Variants in NAV3 observed in about 807,000 individuals in gnomAD.
NAV3 encodes neuron navigator 3, also known as pore membrane and/or filament interacting like protein 1.
NAV3 carries 87 observed loss-of-function variants against 244.7 expected under a neutral mutation model. The ratio of observed to expected loss-of-function variants is 0.36; its 90% confidence interval spans 0.30 to 0.42. NAV3 has a LOEUF of 0.42. Among genes scored for constraint, NAV3 ranks in the 20% least tolerant of loss-of-function variants. The pLI, the probability that NAV3 is intolerant of heterozygous loss-of-function variation, is 1.00. For missense variants in NAV3, 2,663 were observed against 2,893.3 expected, an observed-to-expected ratio of 0.92 and a Z score of 1.83; for synonymous variants, 1,126 against 1,042.2, an observed-to-expected ratio of 1.08 and a Z score of -1.55.
At position 78,122,105 on chromosome 12, in the gene NAV3, C is replaced by T. The variant is rs558717521; in HGVS notation, c.3915C>T (p.Ser1305=). 9 of 1,614,118 alleles carry T rather than the reference C, an allele frequency of 5.6e-6. No individual in the cohort carries two copies. The East Asian group carries it at 1.1e-4, about 20-fold the overall frequency. Residue 1305 remains serine (S), a synonymous_variant, in exon 16 of 40, where the codon AGC becomes AGT. Transcript: ENST00000397909. ...TGSMGSAGGL[S]GSSSPLFNKP... ...GCATGGGCAGTGCTGGTGGGCTAAG[C>T]GGCAGCAGCAGCCCTCTCTTCAATA... is the stretch of plus-strand genomic sequence containing the variant.
chr12:77,606,261 C>T (rs1244233955), intron 2 of NAV3, among the ~76,000 whole-genome samples: 1 of 152,068 alleles, frequency 6.6e-6, no homozygotes, highest in Non-Finnish European at 1.5e-5. Context: ...TTAGTGTTTG[C>T]CATTTAAGCC....
intron 2 of NAV3, among the ~76,000 whole-genome samples, chr12:77,699,321 A>G (rs1013068788): frequency 1.3e-5 from 2 of 152,106 alleles, no homozygotes; most frequent in Non-Finnish European, 2.9e-5. Context: ...GCCTATTCCT[A>G]CTGTAGTATT....
chr12:78,072,332 A>C (rs1481161686), intron 12 of NAV3, among the ~76,000 whole-genome samples: 3 of 137,266 alleles, frequency 2.2e-5, no homozygotes, highest in African/African-American at 8.2e-5. Flanking sequence ...AAATAGACAC[A>C]ATAAAAAATG....
In NAV3 at chr12:77,831,483, T is replaced by C. The variant is rs1873677033; in HGVS notation, c.22T>C (p.Ser8Pro). 1 of 1,607,522 alleles carries C rather than the reference T, an allele frequency of 6.2e-7. No individual in the cohort carries two copies. The highest frequency in any genetic ancestry group is 1.7e-4 in the Middle Eastern group (1 of 6,014). MPVLGVA[S>P]KLRQPAVGSK... ...AGCCATGCCTGTTCTTGGGGTTGCC[T>C]CAAAACTGAGGCAGCCAGCTGTTGG... Residue 8 changes from serine (S) to proline (P), a missense_variant, in exon 1 of 40, where the codon TCA becomes CCA. Ser to Pro is a moderately conservative substitution (Grantham distance 74, BLOSUM62 -1). Transcript: ENST00000397909.
intron 12 of NAV3, among the ~76,000 whole-genome samples, chr12:78,070,733 T>G (rs1337826556): frequency 3.1e-5 from 4 of 128,418 alleles, no homozygotes; most frequent in African/African-American, 5.9e-5. Context: ...CCCCAGAGTG[T>G]GATATTCCCC....
At chr12:77,805,076 A>G (rs1158781137) in intron 2 of NAV3, among the ~76,000 whole-genome samples, 4 of 152,158 alleles carry the variant, frequency 2.6e-5, no homozygotes, top group Non-Finnish European at 5.9e-5. Flanking sequence ...GGCTGAGACA[A>G]TGGGGTTTTC....
chr12:78,077,927 A>G (rs190069639), intron 12 of NAV3, among the ~76,000 whole-genome samples: 68 of 152,316 alleles, frequency 4.5e-4, no homozygotes, highest in African/African-American at 1.6e-3. Context: ...CAACAAGAGC[A>G]AAACTCTGCC....
At chr12:78,068,301 T>G (rs945955947) in intron 12 of NAV3, among the ~76,000 whole-genome samples, 8 of 151,802 alleles carry the variant, frequency 5.3e-5, no homozygotes, top group Non-Finnish European at 8.8e-5. Context: ...ATTCATAAAA[T>G]TATTAATTTA....
chr12:78,132,302 G>C (rs938864785), intron 18 of NAV3, among the ~76,000 whole-genome samples: 1 of 152,130 alleles, frequency 6.6e-6, no homozygotes, highest in African/African-American at 2.4e-5. Flanking sequence ...GAAAACCACT[G>C]ATCAAATACA....
intron 2 of NAV3, among the ~76,000 whole-genome samples, chr12:77,614,269 T>C (rs1265239902): frequency 1.3e-5 from 2 of 151,658 alleles, no homozygotes; most frequent in Non-Finnish European, 1.5e-5. Context: ...TTGCCAAATG[T>C]CCTCTGGGGA....
chr12:77,806,660 G>A (rs1182729377), intron 2 of NAV3, among the ~76,000 whole-genome samples: 1 of 152,176 alleles, frequency 6.6e-6, no homozygotes, highest in African/African-American at 2.4e-5. Flanking sequence ...GGGGTGGAGA[G>A]TTCTGTAGGT....
chr12:78,059,645 T>C (rs1467990362), intron 12 of NAV3, among the ~76,000 whole-genome samples: 1 of 152,160 alleles, frequency 6.6e-6, no homozygotes, highest in Admixed American at 6.5e-5. Flanking sequence ...TTTAGCTCTG[T>C]AATACCAAAA....
rs187326539 is a variant in NAV3, at chr12:77,977,959, C to T, written c.671+9257C>T. Among the ~76,000 whole-genome samples the T allele has an allele frequency of 1.4e-4, 21 of 151,576 alleles. 1 individual carries two copies. Among genetic ancestry groups the T allele is most frequent in the Middle Eastern group, 6.8e-3 (2 of 294 alleles). ...AGTTACGTAAAAAATGCCTTTTTTA[C>T]GGGATTATCCAGTTATTATAGTTTA... On this transcript the variant is annotated intron_variant, in intron 5 of 39. Coordinates refer to ENST00000397909, the MANE Select transcript of NAV3 (RefSeq NM_001024383.2).
intron 1 of NAV3, among the ~76,000 whole-genome samples, chr12:77,839,989 C>G (rs1011285416): frequency 6.6e-6 from 1 of 152,134 alleles, no homozygotes; most frequent in African/African-American, 2.4e-5. Context: ...ATGAGAATCA[C>G]TTGAACCCAG....
intron 35 of NAV3, among the ~76,000 whole-genome samples, chr12:78,198,398 C>T (rs1959225631): frequency 6.6e-6 from 1 of 151,762 alleles, no homozygotes; most frequent in South Asian, 2.1e-4. Flanking sequence ...AAATGCCTTG[C>T]CTTGATTCCA....
chr12:77,622,248 C>A (rs1187932970), intron 2 of NAV3, among the ~76,000 whole-genome samples: 1 of 152,126 alleles, frequency 6.6e-6, no homozygotes, highest in African/African-American at 2.4e-5. Context: ...CAAGCTCCGC[C>A]TCCTGGGTTC....
At chr12:77,598,982 A>G (rs1030333936) in intron 2 of NAV3, among the ~76,000 whole-genome samples, 1 of 151,926 alleles carries the variant, frequency 6.6e-6, no homozygotes, top group Non-Finnish European at 1.5e-5. Context: ...GTTTGTATAC[A>G]TTGATTAGCA....
At position 78,177,712 on chromosome 12, in the gene NAV3, C is replaced by T. The variant is rs1254642033; in HGVS notation, c.5363+27C>T. On this transcript the variant is annotated intron_variant, in intron 28 of 39. Transcript: ENST00000397909. Reference sequence around the variant, plus strand: ...TAAAGTGGAGTGCGATGCATGAATACTGCAAAGATCCAGGTTCTAACCTAA... The same window carrying T: ...TAAAGTGGAGTGCGATGCATGAATATTGCAAAGATCCAGGTTCTAACCTAA... The T allele has an allele frequency of 1.3e-5, 21 of 1,587,464 alleles. No individual in the cohort carries two copies. The East Asian group carries it at 4.3e-4, about 32-fold the overall frequency.
chr12:78,030,949 T>C (rs552697656), intron 9 of NAV3, among the ~76,000 whole-genome samples: 3 of 152,320 alleles, frequency 2.0e-5, no homozygotes, highest in Non-Finnish European at 2.9e-5. Context: ...CTTACTGAGG[T>C]TTCGATAGTT....
Sources: allele counts gnomAD v4.1 joint callset (sites outside exome capture counted in the v4.1 genomes callset), GRCh38; gene constraint gnomAD v4.1.1; transcripts MANE v1.5; gene names NCBI Gene and HGNC (gene_info 2026-07-23, HGNC 2026-07-21).